The following RTN4 variants were observed in gnomAD, a reference collection of about 807,000 sequenced individuals.
The protein encoded by RTN4 is reticulon-4.
A neutral mutation model predicts 90.4 loss-of-function variants in RTN4; 32 were observed. The observed-to-expected ratio is 0.35, with a 90% CI of 0.27 to 0.48. RTN4 has a LOEUF of 0.48. Among genes scored for constraint, RTN4 ranks in the 20% least tolerant of loss-of-function variants. RTN4 has a pLI of 0.99. For synonymous variants in RTN4, 629 were observed against 552.5 expected (o/e 1.14, Z -1.94); for missense variants, 1,706 against 1,430.2 (o/e 1.19, Z -3.11).
chr2:55,021,838 T>C (rs983155716), intron 3 of RTN4, among the ~76,000 whole-genome samples: 1 of 152,162 alleles, frequency 6.6e-6, no homozygotes, highest in Non-Finnish European at 1.5e-5. Flanking sequence ...CCCACAACTT[T>C]TGTAGAATAT....
At chr2:54,973,698 C>CT in intron 7 of RTN4, 77 bp from the exon 8 acceptor site, 1 of 1,495,780 alleles carries the variant, frequency 6.7e-7, no homozygotes, top group African/African-American at 1.4e-5. Context: ...AAGCTAAAGG[C>CT]TTAAGAAACC....
At chr2:55,060,138 TAGATTGGATTTCTA>T (rs1173328798) in intron 2 of RTN4, among the ~76,000 whole-genome samples, 2 of 152,060 alleles carry the variant, frequency 1.3e-5, no homozygotes, top group East Asian at 3.9e-4. Flanking sequence ...GAGAAAAAAA[TAGATTGGATTTCTA>T]ACAATCTCCC....
chr2:55,026,645 T>C lies in RTN4; in HGVS notation c.1454A>G (p.Asp485Gly), dbSNP rs1305950536. Residue 485 changes from aspartate to glycine, a missense_variant, in exon 3 of 9, where the codon GAT becomes GGT. Physicochemically the swap from Asp to Gly is moderately conservative, Grantham distance 94. Transcript: ENST00000337526. ...IATNIFPLLGDPTSENKTDEK... is the reference protein window; with the variant it reads ...IATNIFPLLGGPTSENKTDEK... ...ATCGGTCTTATTTTCTGAAGTAGGA[T>C]CTCCTAACAAAGGAAAAATGTTTGT... 3.1e-6 allele frequency: 5 copies of C among 1,613,010 alleles called. No homozygotes were observed. Among genetic ancestry groups the C allele is most frequent in the Non-Finnish European group, 3.4e-6 (4 of 1,179,820 alleles).
chr2:55,019,959 T>TA (rs547850570), intron 3 of RTN4, among the ~76,000 whole-genome samples: 15 of 151,062 alleles, frequency 9.9e-5, no homozygotes, highest in East Asian at 5.8e-4. Context: ...TGCAATAGCT[T>TA]AAAAAAAAAT....
At chr2:54,985,150 G>A (rs1573296924) in intron 4 of RTN4, among the ~76,000 whole-genome samples, 1 of 122,886 alleles carries the variant, frequency 8.1e-6, no homozygotes, top group Non-Finnish European at 1.7e-5. Context: ...AATATGACTC[G>A]GCCTTTTTTT....
At chr2:55,001,896 C>T (rs1196501789) in intron 3 of RTN4, among the ~76,000 whole-genome samples, 1 of 152,128 alleles carries the variant, frequency 6.6e-6, no homozygotes, top group Admixed American at 6.5e-5. Flanking sequence ...TTACATTCCC[C>T]TAAATCCCAA....
At chr2:55,029,611 TC>T (rs1682158214) in intron 1 of RTN4, among the ~76,000 whole-genome samples, 1 of 152,208 alleles carries the variant, frequency 6.6e-6, no homozygotes, top group Admixed American at 6.6e-5. Flanking sequence ...GGACTTGTCT[TC>T]CAAGCATATT....
intron 1 of RTN4, among the ~76,000 whole-genome samples, chr2:55,101,482 A>G (rs574356746): frequency 9.9e-5 from 15 of 152,258 alleles, no homozygotes; most frequent in African/African-American, 3.4e-4. Flanking sequence ...ATTGAAAAAC[A>G]GTATACTTAG....
the RTN4 span, among the ~76,000 whole-genome samples, chr2:55,128,663 C>T: frequency 2.0e-5 from 3 of 152,130 alleles, no homozygotes; most frequent in Non-Finnish European, 4.4e-5. Context: ...AACATAGCAA[C>T]TCACAATTCA....
the RTN4 span, among the ~76,000 whole-genome samples, chr2:55,120,471 C>T: frequency 6.6e-6 from 1 of 152,054 alleles, no homozygotes; most frequent in Non-Finnish European, 1.5e-5. Flanking sequence ...GGGGCTGGCC[C>T]CCAAACCTCT....
At chr2:54,983,379 A>G (rs904808709) in intron 4 of RTN4, among the ~76,000 whole-genome samples, 2 of 152,124 alleles carry the variant, frequency 1.3e-5, no homozygotes, top group Non-Finnish European at 2.9e-5. Context: ...GGAAAAAGTC[A>G]AGTCCACAGG....
intron 3 of RTN4, among the ~76,000 whole-genome samples, chr2:55,007,406 A>G (rs1680306951): frequency 6.6e-6 from 1 of 152,030 alleles, no homozygotes; most frequent in Admixed American, 6.6e-5. Context: ...AAAACTTCCA[A>G]ATCCTTTTTA....
At chr2:55,103,441 A>G (rs999006240) in intron 1 of RTN4, among the ~76,000 whole-genome samples, 1 of 152,044 alleles carries the variant, frequency 6.6e-6, no homozygotes, top group Admixed American at 6.6e-5. Flanking sequence ...TGTACACTTA[A>G]AATGTGTCCA....
chr2:54,978,432 A>C (rs1677838769), intron 5 of RTN4, among the ~76,000 whole-genome samples: 1 of 29,482 alleles, frequency 3.4e-5, no homozygotes, highest in Non-Finnish European at 6.3e-5. Context: ...CTCTATCTCC[A>C]AAAAAAAAAA....
chr2:55,047,316 G>C (rs1243906709), intron 1 of RTN4, among the ~76,000 whole-genome samples: 1 of 146,962 alleles, frequency 6.8e-6, no homozygotes, highest in East Asian at 1.9e-4. Flanking sequence ...GTGACAAGGG[G>C]GAGACTATCT....
the RTN4 span, among the ~76,000 whole-genome samples, chr2:55,131,847 GCACTCCA>G: frequency 3.9e-5 from 6 of 152,130 alleles, no homozygotes; most frequent in Admixed American, 2.0e-4. Flanking sequence ...TGGCACCATT[GCACTCCA>G]GCCTGGGCAA....
the RTN4 span, among the ~76,000 whole-genome samples, chr2:55,119,995 A>G: frequency 1.3e-5 from 2 of 152,206 alleles, no homozygotes; most frequent in Non-Finnish European, 2.9e-5. Context: ...AACTGGAAAA[A>G]AGCGCAGTCA....
the RTN4 span, among the ~76,000 whole-genome samples, chr2:55,122,502 C>G: frequency 6.6e-6 from 1 of 152,180 alleles, no homozygotes; most frequent in African/African-American, 2.4e-5. Flanking sequence ...TGGCTATTGT[C>G]TGAAATTCTT....
Position 54,972,903 on chromosome 2 carries a change from AGAT to A in RTN4, c.*250_*252del, listed in dbSNP as rs1677215142. 2.1e-5 allele frequency: 2 copies of A among 97,048 alleles called. No homozygotes were observed. The highest frequency in any genetic ancestry group is 3.9e-5 in the Non-Finnish European group (2 of 51,102). The allele number at this position is 97,048 out of a possible 1,614,324, so 6.0% of individuals were successfully genotyped here. ...AGGTTTTTTATTCCACCAGTGCCTC[AGAT>A]AGATAGGAAAAAGATATGATTACGG... On this transcript the variant is annotated 3_prime_UTR_variant, in exon 9 of 9. Coordinates refer to ENST00000337526, the MANE Select transcript of RTN4 (RefSeq NM_020532.5).
Sources: allele counts gnomAD v4.1 joint callset (sites outside exome capture counted in the v4.1 genomes callset), GRCh38; gene constraint gnomAD v4.1.1; transcripts MANE v1.5; gene names NCBI Gene and HGNC (gene_info 2026-07-23, HGNC 2026-07-21).